The following KALRN variants were observed in gnomAD, a reference collection of about 807,000 sequenced individuals.
KALRN encodes the protein kalirin.
In KALRN, 70 loss-of-function variants were observed where a neutral mutation model predicts 353.7. That is an observed-to-expected ratio of 0.20 (90% CI 0.16 to 0.24). The LOEUF (loss-of-function observed/expected upper bound fraction) is 0.24. Among genes scored for constraint, KALRN ranks in the 10% least tolerant of loss-of-function variants. KALRN has a pLI of 1.00. For missense variants in KALRN, 2,791 were observed against 3,756.7 expected (o/e 0.74, Z 6.72); for synonymous variants, 1,391 against 1,434.8 (o/e 0.97, Z 0.69).
intron 33 of KALRN, among the ~76,000 whole-genome samples, chr3:124,497,741 TA>T: frequency 6.6e-6 from 1 of 152,218 alleles, no homozygotes. Flanking sequence ...TCCTAGTGTA[TA>T]AAAAGTGTTC....
At chr3:124,222,945 A>G (rs1482843924) in intron 1 of KALRN, among the ~76,000 whole-genome samples, 1 of 151,884 alleles carries the variant, frequency 6.6e-6, no homozygotes. Context: ...CTGACTCTGT[A>G]AGTCTAGGGT....
At chr3:124,169,437 G>C (rs1244428685) in intron 1 of KALRN, among the ~76,000 whole-genome samples, 1 of 152,136 alleles carries the variant, frequency 6.6e-6, no homozygotes, top group Non-Finnish European at 1.5e-5. Context: ...CTGAGCCAGT[G>C]GTTGATGTTT....
At chr3:124,383,650 C>T (rs2087754879) in intron 10 of KALRN, among the ~76,000 whole-genome samples, 1 of 152,094 alleles carries the variant, frequency 6.6e-6, no homozygotes, top group Non-Finnish European at 1.5e-5. Context: ...ATGATTTAAA[C>T]TTAATGTAAC....
rs560696519 is a variant in KALRN at position 124,713,583 on chromosome 3, T to TA, written c.8276+449dup. ...AAAAATTCCTTCCAGGGGAGAGCCT[T>TA]ACCTTCAAAACATTCCACTCATTCC... On this transcript the variant is annotated intron_variant, in intron 58 of 59. Transcript: ENST00000682506. Among the ~76,000 whole-genome samples, 529 of 152,290 alleles carry TA rather than the reference T, an allele frequency of 3.5e-3. 8 individuals are homozygous for TA. Among genetic ancestry groups the TA allele is most frequent in the Admixed American group, 0.025 (385 of 15,288 alleles).
Position 124,671,667 on chromosome 3 carries a change from A to G in KALRN, c.6711A>G (p.Gln2237=), listed in dbSNP as rs765898114. 1.2e-6 allele frequency: 2 copies of G among 1,612,604 alleles called. No homozygotes were observed. The highest frequency in any genetic ancestry group is 2.2e-5 in the South Asian group (2 of 91,034). The change falls in exon 48 of 60, where the codon CAA becomes CAG. Residue 2237 remains glutamine, a synonymous_variant. Transcript: ENST00000682506. ...ETQRDFLNAL[Q]SPIEYQRKER... ...CCTGCTCTTATCCCACAGCACTGCA[A>G]TCGCCCATTGAGTATCAACGGAAAG...
intron 1 of KALRN, among the ~76,000 whole-genome samples, chr3:124,181,728 G>A (rs539842459): frequency 2.6e-4 from 40 of 152,310 alleles, no homozygotes; most frequent in Non-Finnish European, 4.9e-4. Flanking sequence ...AAGAAGGAAG[G>A]CAGAAAGGCC....
At chr3:124,613,629 GAAGGCTTATTACTTGCTAC>G (rs922838650) in intron 34 of KALRN, among the ~76,000 whole-genome samples, 2 of 152,176 alleles carry the variant, frequency 1.3e-5, no homozygotes, top group African/African-American at 4.8e-5. Flanking sequence ...CTCTTGAGTT[GAAGGCTTATTACTTGCTAC>G]AACAGTTAGG....
intron 52 of KALRN, 45 bp downstream of exon 52, chr3:124,693,876 ATAAATTATAGT>A: frequency 7.1e-7 from 1 of 1,402,600 alleles, no homozygotes; most frequent in Non-Finnish European, 1.0e-6. Context: ...GATTGGTTAA[ATAAATTATAGT>A]TAATCCAGCA....
chr3:124,476,586 C>T (rs1312061090), intron 26 of KALRN, among the ~76,000 whole-genome samples: 1 of 152,134 alleles, frequency 6.6e-6, no homozygotes, highest in Non-Finnish European at 1.5e-5. Context: ...AATACACATA[C>T]CTTTCCCAGT....
At chr3:124,533,683 C>T (rs80303425) in intron 33 of KALRN, among the ~76,000 whole-genome samples, 3,461 of 152,170 alleles carry the variant, frequency 0.023, 62 homozygotes, top group Non-Finnish European at 0.037. Flanking sequence ...AACTGTTGAG[C>T]ATATGTCATG....
chr3:124,585,819 C>G (rs899240179), intron 34 of KALRN, among the ~76,000 whole-genome samples: 3 of 152,212 alleles, frequency 2.0e-5, no homozygotes, highest in Admixed American at 6.5e-5. Context: ...TTTTGGGCCT[C>G]TGGCCTCCAC....
chr3:124,434,797 GA>G (rs1355824846), intron 17 of KALRN, among the ~76,000 whole-genome samples: 1 of 152,216 alleles, frequency 6.6e-6, no homozygotes, highest in Non-Finnish European at 1.5e-5. Flanking sequence ...CTAAATGCTA[GA>G]TTTGGGCAGT....
At chr3:124,604,153 TTA>T (rs770837231) in intron 34 of KALRN, among the ~76,000 whole-genome samples, 1,261 of 81,098 alleles carry the variant, frequency 0.016, 15 homozygotes, top group African/African-American at 0.046. Context: ...TTTTTTTTTT[TTA>T]AATTTATTAT....
intron 1 of KALRN, among the ~76,000 whole-genome samples, chr3:124,203,396 C>T (rs1323865831): frequency 6.6e-6 from 1 of 152,156 alleles, no homozygotes; most frequent in Non-Finnish European, 1.5e-5. Context: ...AACCAGGAGG[C>T]TGGGTTTCAG....
At chr3:124,257,205 A>G (rs1162653924) in intron 3 of KALRN, among the ~76,000 whole-genome samples, 1 of 152,198 alleles carries the variant, frequency 6.6e-6, no homozygotes, top group Non-Finnish European at 1.5e-5. Flanking sequence ...TATTAAATGC[A>G]TATTGTAATA....
At chr3:124,553,090 G>A (rs1331945168) in intron 33 of KALRN, among the ~76,000 whole-genome samples, 1 of 151,990 alleles carries the variant, frequency 6.6e-6, no homozygotes, top group African/African-American at 2.4e-5. Context: ...CTACTCCCTC[G>A]ACACAAGATA....
intron 1 of KALRN, among the ~76,000 whole-genome samples, chr3:124,138,622 A>G (rs919884173): frequency 2.0e-5 from 3 of 152,072 alleles, no homozygotes; most frequent in African/African-American, 7.2e-5. Context: ...CTTCTCCCAT[A>G]TTCTCTCCCT....
chr3:124,340,297 G>A (rs1384340444), intron 9 of KALRN, among the ~76,000 whole-genome samples: 8 of 151,890 alleles, frequency 5.3e-5, no homozygotes, highest in South Asian at 2.1e-4. Context: ...TGAGGTGAGC[G>A]GATTGCCTGA....
At chr3:124,102,506 CA>C (rs1252322996) in intron 1 of KALRN, among the ~76,000 whole-genome samples, 2 of 152,154 alleles carry the variant, frequency 1.3e-5, no homozygotes, top group African/African-American at 2.4e-5. Context: ...CTGTAATTCA[CA>C]ATGTGCTCCT....
Sources: gnomAD v4.1 joint callset for allele counts (sites outside exome capture counted in the v4.1 genomes callset) on GRCh38, gnomAD v4.1.1 for gene constraint, MANE v1.5 for transcripts, NCBI Gene and HGNC (gene_info 2026-07-23, HGNC 2026-07-21) for gene names.